Variants in ADSS2 observed in about 807,000 individuals in gnomAD.
ADSS2 encodes adenylosuccinate synthase 2.
A neutral mutation model predicts 60.0 loss-of-function variants in ADSS2; 30 were observed. The observed-to-expected ratio is 0.50, with a 90% CI of 0.37 to 0.68. The LOEUF (loss-of-function observed/expected upper bound fraction) is 0.68. Ranked by LOEUF, ADSS2 falls within the 30% of genes least tolerant of loss-of-function variation. The pLI, the probability that ADSS2 is intolerant of heterozygous loss-of-function variation, is 0.00. For missense variants in ADSS2, 373 were observed against 554.8 expected (o/e 0.67, Z 3.29); for synonymous variants, 187 against 193.1 (o/e 0.97, Z 0.26).
chr1:244,416,149 G>T, intron 10 of ADSS2, 71 bp from the exon 11 acceptor site: 2 of 1,030,454 alleles, frequency 1.9e-6, no homozygotes, highest in Non-Finnish European at 2.9e-6. Flanking sequence ...TTTGATTAAT[G>T]CAGGAGTAAA....
intron 10 of ADSS2, among the ~76,000 whole-genome samples, chr1:244,417,026 T>TA (rs1218802665): frequency 6.6e-6 from 1 of 152,246 alleles, no homozygotes; most frequent in African/African-American, 2.4e-5. Flanking sequence ...TGAATACATT[T>TA]ATTTACCTAT....
intron 11 of ADSS2, among the ~76,000 whole-genome samples, chr1:244,415,098 G>C (rs1015466119): frequency 6.6e-6 from 1 of 152,182 alleles, no homozygotes; most frequent in Admixed American, 6.5e-5. Flanking sequence ...TGTTTTGTTA[G>C]TTTTTAATAG....
intron 3 of ADSS2, 100 bp from the exon 4 acceptor site, chr1:244,432,695 GCT>G (rs1410868165): frequency 1.5e-6 from 1 of 677,230 alleles, no homozygotes; most frequent in African/African-American, 2.6e-5. Flanking sequence ...ACAGAGTCTC[GCT>G]CTGTCACCCA....
intron 1 of ADSS2, among the ~76,000 whole-genome samples, chr1:244,444,512 CT>C (rs1380845127): frequency 1.8e-4 from 3 of 17,040 alleles, no homozygotes; most frequent in Admixed American, 7.4e-4. Context: ...GAGACTCCAT[CT>C]CAAAAAAAAA....
intron 4 of ADSS2, among the ~76,000 whole-genome samples, chr1:244,425,193 C>A (rs1044337979): frequency 7.9e-5 from 12 of 152,136 alleles, no homozygotes; most frequent in African/African-American, 2.9e-4. Flanking sequence ...TTTACTGACT[C>A]AATAAATAGA....
chr1:244,430,950 G>A (rs1664928168), intron 4 of ADSS2, among the ~76,000 whole-genome samples: 1 of 152,028 alleles, frequency 6.6e-6, no homozygotes, highest in Non-Finnish European at 1.5e-5. Flanking sequence ...GTGAAACCCT[G>A]TCTCCACTAA....
chr1:244,421,634 T>C (rs1055047885), intron 7 of ADSS2, among the ~76,000 whole-genome samples: 2 of 152,234 alleles, frequency 1.3e-5, no homozygotes, highest in Non-Finnish European at 2.9e-5. Context: ...GCCATACTCA[T>C]AGTTTGGCAA....
chr1:244,417,202 G>C (rs935224107), intron 10 of ADSS2, among the ~76,000 whole-genome samples: 2 of 152,160 alleles, frequency 1.3e-5, no homozygotes, highest in Admixed American at 6.5e-5. Flanking sequence ...AGAGGCAGAG[G>C]ATGATTAACT....
At chr1:244,429,629 C>T (rs1011994565) in intron 4 of ADSS2, among the ~76,000 whole-genome samples, 1 of 152,150 alleles carries the variant, frequency 6.6e-6, no homozygotes, top group Non-Finnish European at 1.5e-5. Flanking sequence ...GTGGCTCACG[C>T]CTGTAATTGG....
At position 244,418,781 on chromosome 1, in the gene ADSS2, G is replaced by C; in HGVS notation, c.924C>G (p.Ala308=). The part of the protein sequence containing the change: ...KAYTTRVGIG[A]FPTEQDNEIG... ...TTACATTGTCTTGCTCTGTAGGAAA[G>C]GCACCAATACCAACTCTAGTTGTAT... Residue 308 remains alanine, a synonymous_variant, in exon 9 of 13, where the codon GCC becomes GCG. Transcript: ENST00000366535. 6.2e-7 allele frequency: 1 copy of C among 1,611,944 alleles called. No homozygotes were observed. The highest frequency in any genetic ancestry group is 1.7e-5 in the Admixed American group (1 of 59,472).
chr1:244,451,842 C>T lies in ADSS2; in HGVS notation c.-25G>A. 1.3e-6 allele frequency: 2 copies of T among 1,546,752 alleles called. No homozygotes were observed. The highest frequency in any genetic ancestry group is 1.7e-6 in the Non-Finnish European group (2 of 1,149,198). On this transcript the variant is annotated 5_prime_UTR_variant, in exon 1 of 13. Coordinates refer to ENST00000366535, the MANE Select transcript of ADSS2 (RefSeq NM_001126.5). The surrounding 1 kb of genome is among the most constrained non-coding windows in gnomAD (Gnocchi z 6.6). ...TGGCTCCAGTGACGCGAGGAGAGCCCGAAGGAGAGGCGGCCGGCGAGGAGT... is the reference window on the plus strand; with the variant it reads ...TGGCTCCAGTGACGCGAGGAGAGCCTGAAGGAGAGGCGGCCGGCGAGGAGT...
At chr1:244,420,431 C>A in intron 7 of ADSS2, 135 bp from the exon 8 acceptor site, 1 of 695,212 alleles carries the variant, frequency 1.4e-6, no homozygotes, top group Admixed American at 3.0e-5. Context: ...TGACGGTGCT[C>A]ACTCTATTGT....
At chr1:244,449,284 C>T (rs1476999205) in intron 1 of ADSS2, among the ~76,000 whole-genome samples, 3 of 152,156 alleles carry the variant, frequency 2.0e-5, no homozygotes, top group Non-Finnish European at 4.4e-5. Context: ...CCTTATGAGT[C>T]TACTGGTGAA....
intron 1 of ADSS2, among the ~76,000 whole-genome samples, chr1:244,443,321 G>A (rs1013234239): frequency 7.2e-5 from 11 of 151,956 alleles, no homozygotes; most frequent in South Asian, 2.1e-4. Flanking sequence ...CCAAACTCCC[G>A]TAACACTTAT....
chr1:244,413,696 T>C (rs559907026), intron 11 of ADSS2, among the ~76,000 whole-genome samples: 4 of 151,898 alleles, frequency 2.6e-5, no homozygotes, highest in Non-Finnish European at 5.9e-5. Flanking sequence ...ACGCCACAGG[T>C]AAAGAGCAGG....
intron 3 of ADSS2, among the ~76,000 whole-genome samples, chr1:244,433,656 G>A (rs1665007691): frequency 6.6e-6 from 1 of 152,042 alleles, no homozygotes; most frequent in African/African-American, 2.4e-5. Flanking sequence ...TCAGGAGATC[G>A]AGACCATCCT....
Position 244,417,645 on chromosome 1 carries a change from C to G in ADSS2, c.1053G>C (p.Met351Ile), listed in dbSNP as rs2147991330. Reference protein sequence around the residue: ...LDLVLLKYAHMINGFTALALT... With the variant: ...LDLVLLKYAHIINGFTALALT... Reference sequence around the variant, plus strand: ...ATACTCACGCAGTAAATCCATTGATCATATGAGCATATTTGAGCAAAACGA... The same window carrying G: ...ATACTCACGCAGTAAATCCATTGATGATATGAGCATATTTGAGCAAAACGA... The change falls in exon 10 of 13, where the codon ATG becomes ATC. Residue 351 changes from methionine (M) to isoleucine (I), a missense_variant. Physicochemically the swap from Met to Ile is conservative, Grantham distance 10. Around this residue, in one of 5 missense-constraint regions of ADSS2, gnomAD observed 130 missense variants for 169.4 expected, o/e 0.77. Transcript: ENST00000366535. The G allele has an allele frequency of 2.5e-6, 4 of 1,612,218 alleles. No homozygotes were observed. In the South Asian group the frequency reaches 3.3e-5, roughly 13 times the overall value.
At chr1:244,434,894 C>T (rs3127463) in intron 3 of ADSS2, among the ~76,000 whole-genome samples, 33,863 of 151,862 alleles carry the variant, frequency 0.22, 4,121 homozygotes, top group Middle Eastern at 0.31. Flanking sequence ...CAGGGCGGGG[C>T]GCGGTGGCTC....
chr1:244,435,009 A>C (rs1665048838), intron 3 of ADSS2, among the ~76,000 whole-genome samples: 1 of 151,844 alleles, frequency 6.6e-6, no homozygotes, highest in Non-Finnish European at 1.5e-5. Flanking sequence ...TCTACTAAAA[A>C]TACAAAAAAT....
Sources: gnomAD v4.1 joint callset for allele counts (sites outside exome capture counted in the v4.1 genomes callset) on GRCh38, gnomAD v4.1.1 for gene constraint, gnomAD v4.1.1 regional missense constraint, Gnocchi (gnomAD v3.1) non-coding constraint, MANE v1.5 for transcripts, NCBI Gene and HGNC (gene_info 2026-07-23, HGNC 2026-07-21) for gene names.